The following ITSN2 variants were observed in gnomAD, a reference collection of about 807,000 sequenced individuals.
ITSN2 encodes intersectin-2.
ITSN2 carries 156 observed loss-of-function variants against 243.7 expected under a neutral mutation model. The observed-to-expected ratio is 0.64, with a 90% CI of 0.56 to 0.73. The LOEUF (loss-of-function observed/expected upper bound fraction) is 0.73, where lower values mean the gene tolerates loss of function less well. Among genes scored for constraint, ITSN2 ranks in the 30% least tolerant of loss-of-function variants. The probability of loss-of-function intolerance (pLI) is 0.00; values close to 1 mark genes in which losing one functional copy is unlikely to be tolerated. For synonymous variants in ITSN2, 703 were observed against 699.9 expected (o/e 1.00, Z -0.07); for missense variants, 1,801 against 1,996.1 (o/e 0.90, Z 1.86).
intron 2 of ITSN2, among the ~76,000 whole-genome samples, chr2:24,326,204 C>T (rs1685142118): frequency 6.6e-6 from 1 of 152,140 alleles, no homozygotes; most frequent in African/African-American, 2.4e-5. Flanking sequence ...AAAAAAATTA[C>T]TATCTGTATG....
intron 15 of ITSN2, among the ~76,000 whole-genome samples, chr2:24,291,639 G>A (rs374768359): frequency 1.3e-5 from 2 of 151,918 alleles, no homozygotes; most frequent in African/African-American, 4.8e-5. Flanking sequence ...ACAGGCGTGC[G>A]CCACCATGCC....
chr2:24,216,065 A>G lies in ITSN2; in HGVS notation c.3974T>C (p.Phe1325Ser). The G allele has an allele frequency of 1.9e-6, 3 of 1,597,124 alleles. No individual in the cohort carries two copies. Among genetic ancestry groups the G allele is most frequent in the Non-Finnish European group, 2.6e-6 (3 of 1,171,570 alleles). ...LQQKTDEDTD[F>S]KEFLKKLASD... ...TGGAATTACCTTTAAAAATTCTTTG[A>G]AATCTGTGTCTTCATCTGTCTTCTG... The change falls in exon 32 of 40, where the codon TTC becomes TCC. Residue 1325 changes from phenylalanine to serine, a missense_variant. Coordinates refer to ENST00000355123, the MANE Select transcript of ITSN2 (RefSeq NM_006277.3).
In ITSN2 at chr2:24,220,577, A is replaced by G. The variant is rs1424970824; in HGVS notation, c.3699+368T>C. On this transcript the variant is annotated intron_variant, in intron 30 of 39. Transcript: ENST00000355123. ...AATGTCAGATGTTAAAACAGATATT[A>G]GGCAAATATCCAAGGAAGCTACGGT... The G allele has an allele frequency of 4.6e-6, 5 of 1,082,424 alleles. No homozygotes were observed. The African/African-American group carries it at 8.2e-5, about 18-fold the overall frequency. 67.1% of individuals were successfully genotyped at this position (1,082,424 alleles called of 1,614,324 possible).
intron 27 of ITSN2, among the ~76,000 whole-genome samples, chr2:24,247,291 A>G (rs929758377): frequency 6.6e-6 from 1 of 152,234 alleles, no homozygotes; most frequent in Non-Finnish European, 1.5e-5. Flanking sequence ...ATTGTCACAC[A>G]TCATTGCCAG....
Position 24,295,823 on chromosome 2 carries a change from A to C in ITSN2, c.1495-19T>G. On this transcript the variant is annotated intron_variant, in intron 13 of 39. Coordinates refer to ENST00000355123, the MANE Select transcript of ITSN2 (RefSeq NM_006277.3). ...TGCCATTCTATAGGAAGATCATATAAATATATAGTAACATAAAATGCTAAT... is the reference window on the plus strand; with the variant it reads ...TGCCATTCTATAGGAAGATCATATACATATATAGTAACATAAAATGCTAAT... 1 of 1,464,556 alleles carries C rather than the reference A, an allele frequency of 6.8e-7. No homozygotes were observed. Among genetic ancestry groups the C allele is most frequent in the South Asian group, 1.4e-5 (1 of 69,706 alleles). 90.7% of individuals were successfully genotyped at this position (1,464,556 alleles called of 1,614,324 possible). A position where few individuals can be genotyped will look rare whatever the true frequency, so the allele number is the denominator to read the frequency against.
At chr2:24,231,807 T>C (rs1671626452) in intron 29 of ITSN2, among the ~76,000 whole-genome samples, 2 of 152,166 alleles carry the variant, frequency 1.3e-5, no homozygotes, top group African/African-American at 4.8e-5. Flanking sequence ...CCTTGCCCAT[T>C]TGGAGGGGAG....
chr2:24,229,160 C>A (rs1573931990), intron 29 of ITSN2, among the ~76,000 whole-genome samples: 1 of 152,164 alleles, frequency 6.6e-6, no homozygotes, highest in Non-Finnish European at 1.5e-5. Context: ...AAAGAAAAAA[C>A]TGACATATCT....
At chr2:24,333,513 T>A (rs948147417) in intron 1 of ITSN2, among the ~76,000 whole-genome samples, 1 of 152,254 alleles carries the variant, frequency 6.6e-6, no homozygotes, top group African/African-American at 2.4e-5. Flanking sequence ...CAGGCAATTT[T>A]GGCAAATTTG....
At chr2:24,284,908 T>C in intron 16 of ITSN2, 65 bp from the exon 17 acceptor site, 1 of 957,728 alleles carries the variant, frequency 1.0e-6, no homozygotes, top group South Asian at 1.4e-5. Flanking sequence ...TTTTTTTTTT[T>C]TTTTTTTGAG....
intron 27 of ITSN2, among the ~76,000 whole-genome samples, chr2:24,247,604 T>TG (rs1673554991): frequency 6.6e-6 from 1 of 152,178 alleles, no homozygotes; most frequent in African/African-American, 2.4e-5. Flanking sequence ...ATTAAACAAC[T>TG]GGAAGACACA....
intron 20 of ITSN2, among the ~76,000 whole-genome samples, chr2:24,268,757 T>TAA (rs34246892): frequency 3.5e-5 from 5 of 142,858 alleles, no homozygotes; most frequent in Non-Finnish European, 3.1e-5. Context: ...CAGCCAACTT[T>TAA]AAAAAAAAAA....
rs1053011810 is a variant in ITSN2, at chr2:24,308,706, G to A, written c.704C>T (p.Thr235Ile). ...AGGCTGAGGAACTGCCCACTCTGAG[G>A]TCCCAGTCTTGGGTGAGTTCCCTGA... ...SLSGNSPKTGTSEWAVPQPTR... is the reference protein window; with the variant it reads ...SLSGNSPKTGISEWAVPQPTR... Residue 235 changes from threonine to isoleucine, a missense_variant, in exon 8 of 40, where the codon ACC (threonine) becomes ATC (isoleucine). Thr to Ile is a moderately conservative substitution (Grantham distance 89). This residue lies in a region of ITSN2 where 787 missense variants were observed against 803.9 expected (regional missense o/e 0.98). Transcript: ENST00000355123. 2.0e-5 allele frequency: 31 copies of A among 1,528,586 alleles called. No individual in the cohort carries two copies. Among genetic ancestry groups the A allele is most frequent in the African/African-American group, 5.5e-5 (4 of 72,348 alleles). 94.7% of individuals were successfully genotyped at this position (1,528,586 alleles called of 1,614,324 possible).
In ITSN2 at chr2:24,261,568, A is replaced by G. The variant is rs769702442; in HGVS notation, c.2530T>C (p.Ser844Pro). Residue 844 changes from serine to proline, a missense_variant, in exon 21 of 40, where the codon TCC (serine) becomes CCC (proline). Transcript: ENST00000355123. ...TGTTAGCTAAAAACTTACTCAGAGG[A>G]AGTTGAGGTAGCAGATAAAGAAACT... is the stretch of plus-strand genomic sequence containing the variant. ...PTVSLSATST[S>P]SEPLSSNQPA... 1 of 1,610,360 alleles carries G rather than the reference A, an allele frequency of 6.2e-7. No homozygotes were observed. Among genetic ancestry groups the G allele is most frequent in the Non-Finnish European group, 8.5e-7 (1 of 1,178,106 alleles).
intron 23 of ITSN2, 51 bp downstream of exon 23, chr2:24,257,837 T>C (rs769612309): frequency 7.6e-6 from 10 of 1,310,792 alleles, no homozygotes; most frequent in South Asian, 7.1e-5. Flanking sequence ...GCTGACTCAT[T>C]AGTGAAAATA....
intron 1 of ITSN2, chr2:24,330,686 T>G (rs1685683824): frequency 1.4e-6 from 1 of 707,118 alleles, no homozygotes; most frequent in Non-Finnish European, 2.6e-6. Context: ...GTGTGTGTAT[T>G]TTTTATAACT....
At chr2:24,230,290 C>T (rs956389715) in intron 29 of ITSN2, among the ~76,000 whole-genome samples, 2 of 152,214 alleles carry the variant, frequency 1.3e-5, no homozygotes, top group African/African-American at 2.4e-5. Context: ...TCCCTCTTCA[C>T]AATACATCCA....
intron 9 of ITSN2, 119 bp downstream of exon 9, chr2:24,303,680 G>T (rs2151686538): frequency 1.4e-6 from 1 of 707,314 alleles, no homozygotes; most frequent in Non-Finnish European, 2.5e-6. Context: ...TGCTTTTATA[G>T]AGCATCTCTG....
intron 2 of ITSN2, among the ~76,000 whole-genome samples, chr2:24,324,046 C>CACAG (rs1684876920): frequency 6.6e-6 from 1 of 152,066 alleles, no homozygotes; most frequent in South Asian, 2.1e-4. Context: ...TCCTGGCTAA[C>CACAG]GTGGTGAAAC....
chr2:24,213,381 A>G (rs1326311951), intron 32 of ITSN2, among the ~76,000 whole-genome samples: 1 of 152,198 alleles, frequency 6.6e-6, no homozygotes, highest in African/African-American at 2.4e-5. Flanking sequence ...GCTCTGGTAC[A>G]CTGCCTGAAG....
Sources: gnomAD v4.1 joint callset for allele counts (sites outside exome capture counted in the v4.1 genomes callset) on GRCh38, gnomAD v4.1.1 for gene constraint, gnomAD v4.1.1 regional missense constraint, MANE v1.5 for transcripts, NCBI Gene and HGNC (gene_info 2026-07-23, HGNC 2026-07-21) for gene names.